FGF20: variants seen among roughly 807,000 people sequenced by gnomAD.
The protein encoded by FGF20 is fibroblast growth factor 20.
FGF20 carries 8 observed loss-of-function variants against 16.7 expected under a neutral mutation model. That is an observed-to-expected ratio of 0.48 (90% CI 0.28 to 0.87). The LOEUF is 0.87. Ranked by LOEUF, FGF20 falls within the 40% of genes least tolerant of loss-of-function variation. FGF20 has a pLI of 0.10. For synonymous variants in FGF20, 161 were observed against 118.6 expected (o/e 1.36, Z -2.32); for missense variants, 397 against 281.4 (o/e 1.41, Z -2.94).
chr8:17,002,135 G>T lies in FGF20; in HGVS notation c.-103C>A. 1 of 1,254,328 alleles carries T rather than the reference G, an allele frequency of 8.0e-7. No homozygotes were observed. 77.7% of individuals were successfully genotyped at this position (1,254,328 alleles called of 1,614,324 possible). On this transcript the variant is annotated 5_prime_UTR_variant, in exon 1 of 3. Transcript: ENST00000180166. ...AATTATAGCAAAACGAGCGCAAAAAGTTAAGGCCCGGTTACTCCTCTGAGG... is the reference window on the plus strand; with the variant it reads ...AATTATAGCAAAACGAGCGCAAAAATTTAAGGCCCGGTTACTCCTCTGAGG...
intron 1 of FGF20, among the ~76,000 whole-genome samples, chr8:16,998,295 T>C (rs1267073361): frequency 1.3e-5 from 2 of 152,196 alleles, no homozygotes; most frequent in African/African-American, 2.4e-5. Context: ...CATAACCAGG[T>C]ATAAATAATT....
At chr8:16,998,857 A>T (rs1005023149) in intron 1 of FGF20, among the ~76,000 whole-genome samples, 1 of 151,496 alleles carries the variant, frequency 6.6e-6, no homozygotes, top group African/African-American at 2.4e-5. Flanking sequence ...ATACAGAGAT[A>T]ACTCATGGCC....
At chr8:16,995,616 A>G in intron 2 of FGF20, 39 bp downstream of exon 2, 2 of 856,750 alleles carry the variant, frequency 2.3e-6, no homozygotes, top group African/African-American at 1.7e-5. Context: ...CAATATTTTA[A>G]GAATTACAAT....
intron 1 of FGF20, among the ~76,000 whole-genome samples, chr8:17,000,915 C>T (rs902554343): frequency 1.3e-5 from 2 of 152,116 alleles, no homozygotes; most frequent in Non-Finnish European, 2.9e-5. Context: ...TATCTTCTTT[C>T]GCTTTCCCAT....
Position 16,992,995 on chromosome 8 carries a change from G to C in FGF20, c.*77C>G. ...TTTAATATTTTGAACGTCTCCTTGG[G>C]TCATTATTTTATGATGGGAACTATG... is the stretch of plus-strand genomic sequence containing the variant. On this transcript the variant is annotated 3_prime_UTR_variant, in exon 3 of 3. Transcript: ENST00000180166. The C allele has an allele frequency of 6.7e-7, 1 of 1,487,848 alleles. No individual in the cohort carries two copies. The highest frequency in any genetic ancestry group is 9.1e-7 in the Non-Finnish European group (1 of 1,099,094). 92.2% of individuals were successfully genotyped at this position (1,487,848 alleles called of 1,614,324 possible). A position where few individuals can be genotyped will look rare whatever the true frequency, so the allele number is the denominator to read the frequency against.
At position 17,002,162 on chromosome 8, in the gene FGF20, C is replaced by G; in HGVS notation, c.-130G>C. 1 of 924,724 alleles carries G rather than the reference C, an allele frequency of 1.1e-6. No individual in the cohort carries two copies. The highest frequency in any genetic ancestry group is 1.5e-6 in the Non-Finnish European group (1 of 674,116). 57.3% of individuals were successfully genotyped at this position (924,724 alleles called of 1,614,324 possible). A position where few individuals can be genotyped will look rare whatever the true frequency, so the allele number is the denominator to read the frequency against. ...TAAGGCCCGGTTACTCCTCTGAGGT[C>G]GCTCCGGAGGGACTTTGCACTGAAA... On this transcript the variant is annotated 5_prime_UTR_variant, in exon 1 of 3. Coordinates refer to ENST00000180166, the MANE Select transcript of FGF20 (RefSeq NM_019851.3).
intron 1 of FGF20, among the ~76,000 whole-genome samples, chr8:16,996,075 A>T (rs17550165): frequency 1.3e-5 from 2 of 152,082 alleles, no homozygotes; most frequent in African/African-American, 4.8e-5. Context: ...TGCAGCGGGG[A>T]GGAGCCTGGC....
intron 1 of FGF20, among the ~76,000 whole-genome samples, chr8:16,997,611 C>T (rs1432745091): frequency 6.6e-6 from 1 of 152,168 alleles, no homozygotes; most frequent in African/African-American, 2.4e-5. Context: ...AAGGATCTTA[C>T]AGCAACAATA....
chr8:16,992,850 G>A lies in FGF20; in HGVS notation c.*222C>T, dbSNP rs998865931. On this transcript the variant is annotated 3_prime_UTR_variant, in exon 3 of 3. Transcript: ENST00000180166. ...GTCTACTGGTAAGGACTAATCCAAT[G>A]TATCTAAGGGAACTTAATCCACATA... The A allele has an allele frequency of 6.7e-5, 34 of 509,320 alleles. No individual in the cohort carries two copies. The highest frequency in any genetic ancestry group is 5.5e-4 in the African/African-American group (28 of 51,216). The allele number at this position is 509,320 out of a possible 1,614,324, so 31.6% of individuals were successfully genotyped here.
rs535724491 is a variant in FGF20, at chr8:17,001,799, C to T, written c.234G>A (p.Gln78=). ...QLYCRTGFHL[Q]ILPDGSVQGT... The stretch of plus-strand genomic sequence containing the variant: ...CCTGCACGCTGCCGTCGGGCAGGAT[C>T]TGCAGGTGGAAGCCGGTGCGGCAAT... Residue 78 remains glutamine, a synonymous_variant, in exon 1 of 3, where the codon CAG becomes CAA. Coordinates refer to ENST00000180166, the MANE Select transcript of FGF20 (RefSeq NM_019851.3). The T allele has an allele frequency of 1.9e-5, 30 of 1,566,762 alleles. No individual in the cohort carries two copies. In the African/African-American group the frequency reaches 2.8e-4, roughly 15 times the overall value.
At chr8:17,001,265 G>A (rs1188900821) in intron 1 of FGF20, among the ~76,000 whole-genome samples, 1 of 152,204 alleles carries the variant, frequency 6.6e-6, no homozygotes, top group Non-Finnish European at 1.5e-5. Flanking sequence ...TGTGGGGCAT[G>A]TTTAAAGAAG....
intron 1 of FGF20, among the ~76,000 whole-genome samples, chr8:17,001,101 A>T (rs979316302): frequency 7.5e-6 from 1 of 133,772 alleles, no homozygotes; most frequent in African/African-American, 3.1e-5. Context: ...AGCTGAGGGA[A>T]CCTCAGACAG....
intron 1 of FGF20, among the ~76,000 whole-genome samples, chr8:16,996,220 C>T (rs1372062065): frequency 1.3e-5 from 2 of 152,088 alleles, no homozygotes; most frequent in Non-Finnish European, 2.9e-5. Flanking sequence ...TTTTCTCACC[C>T]TTCTATGTGT....
In FGF20 at chr8:16,992,214, T is replaced by C. The variant is rs901623860; in HGVS notation, c.*858A>G. 1.3e-4 allele frequency: 20 copies of C among 151,798 alleles called. No homozygotes were observed. Among genetic ancestry groups the C allele is most frequent in the African/African-American group, 4.8e-4 (20 of 41,310 alleles). The allele number at this position is 151,798 out of a possible 1,614,324, so 9.4% of individuals were successfully genotyped here. On this transcript the variant is annotated 3_prime_UTR_variant, in exon 3 of 3. Transcript: ENST00000180166. ...TGTTTAATTCCCTTTTGAATGTGTG[T>C]TGAATTTAATACAAATCAATGAGGC...
In FGF20 at chr8:16,992,244, T is replaced by C. The variant is rs1809929728; in HGVS notation, c.*828A>G. On this transcript the variant is annotated 3_prime_UTR_variant, in exon 3 of 3. Transcript: ENST00000180166. ...TTTAATACAAATCAATGAGGCATTT[T>C]TCTAGGCCAAAAGAAACCAACGTTA... 6.9e-6 allele frequency: 1 copy of C among 145,392 alleles called. No homozygotes were observed. Among genetic ancestry groups the C allele is most frequent in the Non-Finnish European group, 1.5e-5 (1 of 66,820 alleles). The allele number at this position is 145,392 out of a possible 1,614,324, so 9.0% of individuals were successfully genotyped here.
At chr8:16,995,332 C>T (rs1267900419) in intron 2 of FGF20, among the ~76,000 whole-genome samples, 2 of 152,084 alleles carry the variant, frequency 1.3e-5, no homozygotes, top group Non-Finnish European at 2.9e-5. Context: ...GAGAGTCTAA[C>T]ATGGCAAGAA....
At chr8:16,993,677 A>G (rs1214044773) in intron 2 of FGF20, among the ~76,000 whole-genome samples, 2 of 152,158 alleles carry the variant, frequency 1.3e-5, no homozygotes, top group Non-Finnish European at 2.9e-5. Context: ...TATATAATGA[A>G]ATAATTACAC....
intron 2 of FGF20, among the ~76,000 whole-genome samples, chr8:16,995,129 T>C (rs1182775673): frequency 6.6e-6 from 1 of 152,198 alleles, no homozygotes; most frequent in Non-Finnish European, 1.5e-5. Flanking sequence ...AATGAGCCCA[T>C]GGCTACTGAA....
In FGF20 at chr8:17,002,042, G is replaced by A; in HGVS notation, c.-10C>T. ...CGGCTAAGGGAGCCATGGAGGGGGA[G>A]ATCCGGAACACAAAAGACCCCCCCA... On this transcript the variant is annotated 5_prime_UTR_variant, in exon 1 of 3. Transcript: ENST00000180166. 6.5e-7 allele frequency: 1 copy of A among 1,535,998 alleles called. No individual in the cohort carries two copies. The highest frequency in any genetic ancestry group is 8.8e-7 in the Non-Finnish European group (1 of 1,142,390).
Sources: allele counts gnomAD v4.1 joint callset (sites outside exome capture counted in the v4.1 genomes callset), GRCh38; gene constraint gnomAD v4.1.1; transcripts MANE v1.5; gene names NCBI Gene and HGNC (gene_info 2026-07-23, HGNC 2026-07-21).